Variants in SMAD6 observed in about 807,000 individuals in gnomAD.
The protein encoded by SMAD6 is MAD homolog 6.
A neutral mutation model predicts 39.4 loss-of-function variants in SMAD6; 103 were observed. The ratio of observed to expected loss-of-function variants is 2.62; its 90% CI spans 2.23 to 3.08. The LOEUF is 3.08. Ranked by LOEUF, SMAD6 falls within the 30% of genes most tolerant of loss-of-function variation. SMAD6 has a pLI of 0.00. For missense variants in SMAD6, 1,104 were observed against 742.9 expected, an observed-to-expected ratio of 1.49 and a Z score of -5.65; for synonymous variants, 445 against 353.3, an observed-to-expected ratio of 1.26 and a Z score of -2.91.
rs560481660 is a variant in SMAD6 at position 66,761,020 on chromosome 15, A to G, written c.953-19977A>G. Among the ~76,000 whole-genome samples the G allele has an allele frequency of 3.8e-4, 58 of 152,326 alleles. No individual in the cohort carries two copies. The South Asian group carries it at 4.4e-3, about 11-fold the overall frequency. On this transcript the variant is annotated intron_variant, in intron 3 of 3. Coordinates refer to ENST00000288840, the MANE Select transcript of SMAD6 (RefSeq NM_005585.5). ...CCAGGACCCATGAATGAGAACCTCC[A>G]GGGGCGGGGCCTGGGAATCTGGACA...
intron 3 of SMAD6, chr15:66,740,531 C>G (rs906530255): frequency 1.3e-5 from 2 of 152,172 alleles, no homozygotes; most frequent in Non-Finnish European, 2.9e-5. Context: ...AATTCTTCAA[C>G]CTCTCTGAGT....
chr15:66,703,267 G>A lies in SMAD6; in HGVS notation c.9G>A (p.Arg3=), dbSNP rs1378383800. The part of the protein sequence containing the change: MF[R]SKRSGLVRRL... Reference sequence around the variant, plus strand: ...GCGCCAAAGGATATCGTATGTTCAGGTCCAAACGCTCGGGGCTGGTGCGGC... The same window carrying A: ...GCGCCAAAGGATATCGTATGTTCAGATCCAAACGCTCGGGGCTGGTGCGGC... Residue 3 remains arginine (R), a synonymous_variant, in exon 1 of 4, where the codon AGG becomes AGA. Coordinates refer to ENST00000288840, the MANE Select transcript of SMAD6 (RefSeq NM_005585.5). 6.8e-6 allele frequency: 10 copies of A among 1,478,052 alleles called. No homozygotes were observed. The highest frequency in any genetic ancestry group is 9.0e-6 in the Non-Finnish European group (10 of 1,113,256). 91.6% of individuals were successfully genotyped at this position (1,478,052 alleles called of 1,614,324 possible). A position where few individuals can be genotyped will look rare whatever the true frequency, so the allele number is the denominator to read the frequency against.
At chr15:66,768,867 T>C (rs1894333820) in intron 3 of SMAD6, among the ~76,000 whole-genome samples, 1 of 152,168 alleles carries the variant, frequency 6.6e-6, no homozygotes. Context: ...TACCAGGTCC[T>C]TGGGGAGGAG....
At chr15:66,771,776 TC>T (rs908344537) in intron 3 of SMAD6, among the ~76,000 whole-genome samples, 56 of 151,388 alleles carry the variant, frequency 3.7e-4, no homozygotes, top group African/African-American at 1.3e-3. Context: ...GCCTCCCACT[TC>T]CCTGGGACTA....
intron 3 of SMAD6, among the ~76,000 whole-genome samples, chr15:66,757,801 A>G (rs1176712514): frequency 6.6e-6 from 1 of 152,178 alleles, no homozygotes; most frequent in Non-Finnish European, 1.5e-5. Flanking sequence ...CCGCGAAGGA[A>G]GTGCTGGCAG....
chr15:66,726,173 ACT>A (rs1310444609), intron 3 of SMAD6, among the ~76,000 whole-genome samples: 2 of 152,096 alleles, frequency 1.3e-5, no homozygotes, highest in Non-Finnish European at 2.9e-5. Flanking sequence ...AGGAGGAGAC[ACT>A]GTTTCCAAAG....
chr15:66,755,532 G>A (rs12912534), intron 3 of SMAD6, among the ~76,000 whole-genome samples: 33,211 of 152,156 alleles, frequency 0.22, 3,743 homozygotes, highest in Middle Eastern at 0.29. Flanking sequence ...AGGGACTGAT[G>A]GAGGGAACCC....
intron 3 of SMAD6, among the ~76,000 whole-genome samples, chr15:66,738,447 A>G (rs552052127): frequency 3.3e-5 from 5 of 152,198 alleles, no homozygotes; most frequent in East Asian, 1.9e-4. Flanking sequence ...AGGAGTGTCA[A>G]CGATCCTCCA....
chr15:66,703,679 G>T lies in SMAD6; in HGVS notation c.421G>T (p.Ala141Ser). ...GGACGCCGCCGGCGCGCCCCGGGAC[G>T]CCAGCGACCCCCTGGCCGGGGCGGC... ...ERDAAGAPRDASDPLAGAALE... is the reference protein window; with the variant it reads ...ERDAAGAPRDSSDPLAGAALE... Residue 141 changes from alanine to serine, a missense_variant, in exon 1 of 4, where the codon GCC (alanine) becomes TCC (serine). Physicochemically the swap from Ala to Ser is moderately conservative, Grantham distance 99. Transcript: ENST00000288840. 8.1e-7 allele frequency: 1 copy of T among 1,234,040 alleles called. No individual in the cohort carries two copies. Among genetic ancestry groups the T allele is most frequent in the Non-Finnish European group, 1.0e-6 (1 of 987,726 alleles). 76.4% of individuals were successfully genotyped at this position (1,234,040 alleles called of 1,614,324 possible).
In SMAD6 at chr15:66,717,134, A is replaced by G. The variant is rs373080208; in HGVS notation, c.952+636A>G. On this transcript the variant is annotated intron_variant, in intron 3 of 3. Coordinates refer to ENST00000288840, the MANE Select transcript of SMAD6 (RefSeq NM_005585.5). The stretch of plus-strand genomic sequence containing the variant: ...ACCTGAATCAAACTTTCCTTGAGAA[A>G]TGAGAGGTTGGTGTTGGACTGGGGA... 2.9e-5 allele frequency: 37 copies of G among 1,288,238 alleles called. No homozygotes were observed. The East Asian group carries it at 5.6e-4, about 19-fold the overall frequency. The allele number at this position is 1,288,238 out of a possible 1,614,324, so 79.8% of individuals were successfully genotyped here. A position where few individuals can be genotyped will look rare whatever the true frequency, so the allele number is the denominator to read the frequency against.
At chr15:66,706,934 G>C (rs1319240295) in intron 1 of SMAD6, 2 of 152,246 alleles carry the variant, frequency 1.3e-5, no homozygotes, top group Admixed American at 6.5e-5. Context: ...ACAATCTGAG[G>C]GCTGATGTGC....
At chr15:66,750,818 T>C (rs1395825636) in intron 3 of SMAD6, among the ~76,000 whole-genome samples, 1 of 151,968 alleles carries the variant, frequency 6.6e-6, no homozygotes, top group East Asian at 1.9e-4. Flanking sequence ...GGGATATTAA[T>C]CCCCCACTCC....
At chr15:66,705,689 CTGGGTGCTG>C (rs1201426957) in intron 1 of SMAD6, 1 of 152,270 alleles carries the variant, frequency 6.6e-6, no homozygotes, top group Non-Finnish European at 1.5e-5. Flanking sequence ...AGGCACTGTG[CTGGGTGCTG>C]TGGCTAACAG....
chr15:66,727,856 CTT>C (rs960284743), intron 3 of SMAD6, among the ~76,000 whole-genome samples: 1 of 144,992 alleles, frequency 6.9e-6, no homozygotes, highest in Admixed American at 6.9e-5. Flanking sequence ...AGTGAGCATT[CTT>C]TTTTTTTTTT....
Position 66,781,560 on chromosome 15 carries a change from G to A in SMAD6, c.*25G>A, listed in dbSNP as rs767030095. 2 of 1,459,338 alleles carry A rather than the reference G, an allele frequency of 1.4e-6. No individual in the cohort carries two copies. The highest frequency in any genetic ancestry group is 2.8e-5 in the South Asian group (2 of 72,242). The allele number at this position is 1,459,338 out of a possible 1,614,324, so 90.4% of individuals were successfully genotyped here. On this transcript the variant is annotated 3_prime_UTR_variant, in exon 4 of 4. Coordinates refer to ENST00000288840, the MANE Select transcript of SMAD6 (RefSeq NM_005585.5). ...GTGGCGGCCCCGGCGGGAGGGGCGG[G>A]TGGGAGGCCGCGGCCACCGCCACCT...
intron 3 of SMAD6, among the ~76,000 whole-genome samples, chr15:66,755,081 T>C (rs552594007): frequency 6.6e-6 from 1 of 152,332 alleles, no homozygotes; most frequent in African/African-American, 2.4e-5. Context: ...GTTTTTTTTC[T>C]AGAAACTAGC....
Position 66,781,069 on chromosome 15 carries a change from G to T in SMAD6, c.1025G>T (p.Arg342Leu). The change falls in exon 4 of 4, where the codon CGC becomes CTC. Residue 342 changes from arginine (R) to leucine (L), a missense_variant. By Grantham distance (102) the Arg-to-Leu change is moderately radical. Coordinates refer to ENST00000288840, the MANE Select transcript of SMAD6 (RefSeq NM_005585.5). ...CSVAYWEHRT[R>L]VGRLYAVYDQ... ...GTGGCGTACTGGGAGCACCGGACGCGCGTGGGCCGCCTCTATGCGGTGTAC... is the reference window on the plus strand; with the variant it reads ...GTGGCGTACTGGGAGCACCGGACGCTCGTGGGCCGCCTCTATGCGGTGTAC... The T allele has an allele frequency of 6.2e-7, 1 of 1,604,844 alleles. No homozygotes were observed.
chr15:66,744,626 G>C (rs974305430), intron 3 of SMAD6, among the ~76,000 whole-genome samples: 55 of 152,372 alleles, frequency 3.6e-4, no homozygotes, highest in African/African-American at 1.3e-3. Context: ...TTTGAGTCTT[G>C]TTCATGGCTG....
chr15:66,710,241 A>C (rs1273547266), intron 1 of SMAD6, among the ~76,000 whole-genome samples: 1 of 152,234 alleles, frequency 6.6e-6, no homozygotes, highest in Non-Finnish European at 1.5e-5. Context: ...CCTGATGAGC[A>C]TAATTAACTA....
Sources: gnomAD v4.1 joint callset for allele counts (sites outside exome capture counted in the v4.1 genomes callset) on GRCh38, gnomAD v4.1.1 for gene constraint, MANE v1.5 for transcripts, NCBI Gene and HGNC (gene_info 2026-07-23, HGNC 2026-07-21) for gene names.